SERINC5: variants seen among roughly 807,000 people sequenced by gnomAD.
The protein encoded by SERINC5 is serine incorporator 5.
Under a neutral mutation model 63.1 loss-of-function variants are expected in SERINC5, and 41 were observed. The observed-to-expected ratio is 0.65, with a 90% CI of 0.51 to 0.84. SERINC5 has a LOEUF of 0.84. SERINC5 is among the 40% of genes least tolerant of loss of function. SERINC5 has a pLI of 0.00. For synonymous variants in SERINC5, 222 were observed against 215.2 expected, an observed-to-expected ratio of 1.03 and a Z score of -0.28; for missense variants, 523 against 573.0, an observed-to-expected ratio of 0.91 and a Z score of 0.89.
At chr5:80,115,838 C>T (rs752569772) in intron 11 of SERINC5, among the ~76,000 whole-genome samples, 2 of 152,006 alleles carry the variant, frequency 1.3e-5, no homozygotes, top group Non-Finnish European at 2.9e-5. Flanking sequence ...CAAGCAAGAC[C>T]ACTTAGAACT....
chr5:80,206,943 G>A (rs1019718282), intron 1 of SERINC5, among the ~76,000 whole-genome samples: 5 of 150,516 alleles, frequency 3.3e-5, no homozygotes, highest in Non-Finnish European at 7.4e-5. Context: ...ATGATACCAT[G>A]CCTGGCTGGT....
chr5:80,223,493 G>A (rs35894541), intron 1 of SERINC5, among the ~76,000 whole-genome samples: 2,469 of 152,068 alleles, frequency 0.016, 23 homozygotes, highest in Non-Finnish European at 0.024. Flanking sequence ...AGAATCCACG[G>A]ATACAGAGGG....
At chr5:80,154,014 G>A (rs541984181) in intron 8 of SERINC5, among the ~76,000 whole-genome samples, 44 of 151,980 alleles carry the variant, frequency 2.9e-4, no homozygotes, top group South Asian at 2.1e-4. Flanking sequence ...CACACATTCC[G>A]CCTCCCTGAC....
chr5:80,205,154 G>A (rs548922665), intron 1 of SERINC5, among the ~76,000 whole-genome samples: 1 of 152,330 alleles, frequency 6.6e-6, no homozygotes. Context: ...GGGAACTTAG[G>A]CAAACAGCTA....
At chr5:80,127,923 C>A (rs148057119) in intron 11 of SERINC5, among the ~76,000 whole-genome samples, 1 of 152,042 alleles carries the variant, frequency 6.6e-6, no homozygotes, top group Non-Finnish European at 1.5e-5. Flanking sequence ...TGAAAACATA[C>A]TGAACTTAAA....
rs1481658535 is a variant in SERINC5 at position 80,255,955 on chromosome 5, G to A, written c.-33C>T. The A allele has an allele frequency of 6.6e-7, 1 of 1,518,120 alleles. No individual in the cohort carries two copies. Among genetic ancestry groups the A allele is most frequent in the Non-Finnish European group, 8.8e-7 (1 of 1,141,512 alleles). The allele number at this position is 1,518,120 out of a possible 1,614,324, so 94.0% of individuals were successfully genotyped here. A position where few individuals can be genotyped will look rare whatever the true frequency, so the allele number is the denominator to read the frequency against. ...GCCAATGCCGAAGGCGCGCTCGCTG[G>A]CTCCCCGCGCCGCACGGGCCCTCCT... On this transcript the variant is annotated 5_prime_UTR_variant, in exon 1 of 12. Transcript: ENST00000507668.
At chr5:80,240,180 C>T (rs1213910300) in intron 1 of SERINC5, among the ~76,000 whole-genome samples, 2 of 152,142 alleles carry the variant, frequency 1.3e-5, no homozygotes, top group Non-Finnish European at 2.9e-5. Context: ...CGTGGTAATA[C>T]ACAAAAAATG....
chr5:80,237,970 G>A (rs1751775603), intron 1 of SERINC5, among the ~76,000 whole-genome samples: 1 of 151,646 alleles, frequency 6.6e-6, no homozygotes, highest in Admixed American at 6.6e-5. Context: ...TGGGCGTGGT[G>A]GCGCGCGCCT....
At chr5:80,130,142 G>C (rs9293801) in intron 11 of SERINC5, among the ~76,000 whole-genome samples, 1,843 of 152,264 alleles carry the variant, frequency 0.012, 12 homozygotes, top group Non-Finnish European at 0.019. Context: ...CACTTTGGGA[G>C]GCCAAGGTGG....
At chr5:80,238,287 C>A (rs1751795919) in intron 1 of SERINC5, among the ~76,000 whole-genome samples, 1 of 151,904 alleles carries the variant, frequency 6.6e-6, no homozygotes, top group African/African-American at 2.4e-5. Flanking sequence ...GGCTTCATAC[C>A]CCTTACTCAG....
At chr5:80,196,812 C>T (rs777901970) in intron 2 of SERINC5, among the ~76,000 whole-genome samples, 23 of 151,666 alleles carry the variant, frequency 1.5e-4, no homozygotes, top group Non-Finnish European at 3.1e-4. Context: ...TGGTAGTGCG[C>T]GCCTGTAATC....
chr5:80,180,191 A>T lies in SERINC5; in HGVS notation c.196-2127T>A, dbSNP rs150024178. Among the ~76,000 whole-genome samples the T allele has an allele frequency of 5.6e-3, 858 of 152,364 alleles. 11 individuals are homozygous for T. Among genetic ancestry groups the T allele is most frequent in the African/African-American group, 0.019 (806 of 41,588 alleles). Reference sequence around the variant, plus strand: ...TCATTATCAGAATAATTAAAATCTTACACAATGAGAACAAGCAGCACATTC... The same window carrying T: ...TCATTATCAGAATAATTAAAATCTTTCACAATGAGAACAAGCAGCACATTC... On this transcript the variant is annotated intron_variant, in intron 2 of 11. Transcript: ENST00000507668.
At chr5:80,192,771 TGAG>T (rs1482380704) in intron 2 of SERINC5, among the ~76,000 whole-genome samples, 1 of 152,172 alleles carries the variant, frequency 6.6e-6, no homozygotes, top group Non-Finnish European at 1.5e-5. Flanking sequence ...TCAGCCCTGA[TGAG>T]GAGGCAAAAA....
At chr5:80,211,589 C>T (rs1338985832) in intron 1 of SERINC5, among the ~76,000 whole-genome samples, 3 of 152,178 alleles carry the variant, frequency 2.0e-5, no homozygotes, top group African/African-American at 7.2e-5. Context: ...CTATAAACTG[C>T]GGGCTGAAAC....
intron 5 of SERINC5, among the ~76,000 whole-genome samples, chr5:80,171,411 C>T (rs1747647726): frequency 1.3e-5 from 2 of 152,154 alleles, no homozygotes; most frequent in South Asian, 4.1e-4. Flanking sequence ...ATTACCTTTA[C>T]TAAGAGCCAT....
At chr5:80,188,731 T>TA (rs950368410) in intron 2 of SERINC5, among the ~76,000 whole-genome samples, 40 of 151,976 alleles carry the variant, frequency 2.6e-4, no homozygotes, top group African/African-American at 8.2e-4. Flanking sequence ...CTACAAAAAG[T>TA]AAAAAAATTG....
intron 6 of SERINC5, among the ~76,000 whole-genome samples, chr5:80,168,461 A>G (rs1280143462): frequency 6.6e-6 from 1 of 152,146 alleles, no homozygotes; most frequent in African/African-American, 2.4e-5. Flanking sequence ...TCAGCCTCCC[A>G]AAGTGCTGGG....
intron 2 of SERINC5, among the ~76,000 whole-genome samples, chr5:80,180,499 C>G (rs922083455): frequency 6.6e-6 from 1 of 152,146 alleles, no homozygotes; most frequent in Non-Finnish European, 1.5e-5. Flanking sequence ...AAATGAGAGA[C>G]TGAGGCAAGA....
intron 6 of SERINC5, chr5:80,166,699 T>C (rs13176625): frequency 0.21 from 86,025 of 402,354 alleles, 10,812 homozygotes; most frequent in Admixed American, 0.32. Context: ...TTCAAAGACA[T>C]CAGGTTCTGC....
Sources: allele counts gnomAD v4.1 joint callset (sites outside exome capture counted in the v4.1 genomes callset), GRCh38; gene constraint gnomAD v4.1.1; transcripts MANE v1.5; gene names NCBI Gene and HGNC (gene_info 2026-07-23, HGNC 2026-07-21).